The following EFCAB8 variants were observed in gnomAD, a reference collection of about 807,000 sequenced individuals.
The protein encoded by EFCAB8 is EF-hand calcium-binding domain-containing protein 8.
In EFCAB8, 100 loss-of-function variants were observed where a neutral mutation model predicts 116.3. The ratio of observed to expected loss-of-function variants is 0.86; its 90% confidence interval spans 0.73 to 1.02. The LOEUF (loss-of-function observed/expected upper bound fraction) is 1.02. EFCAB8 is among the 50% of genes least tolerant of loss of function. EFCAB8 has a pLI of 0.00. For synonymous variants in EFCAB8, 558 were observed against 567.9 expected (o/e 0.98, Z 0.25); for missense variants, 1,320 against 1,416.9 (o/e 0.93, Z 1.10).
intron 13 of EFCAB8, 136 bp downstream of exon 13, chr20:32,907,130 G>A (rs1986716749): frequency 7.0e-7 from 1 of 1,423,752 alleles, no homozygotes; most frequent in South Asian, 1.5e-5. Context: ...TGGGAGGAAG[G>A]TGAGGGTGGC....
chr20:32,888,705 G>A (rs972932590), intron 6 of EFCAB8, among the ~76,000 whole-genome samples: 1 of 152,022 alleles, frequency 6.6e-6, no homozygotes, highest in African/African-American at 2.4e-5. Flanking sequence ...TTTTTACCTT[G>A]GTTTGTCACT....
At chr20:32,915,947 C>T (rs1252299226) in intron 17 of EFCAB8, among the ~76,000 whole-genome samples, 2 of 151,934 alleles carry the variant, frequency 1.3e-5, no homozygotes, top group African/African-American at 4.8e-5. Context: ...GCTGGGATTA[C>T]AGGCATGAGC....
rs577988984 is a variant in EFCAB8 at position 32,959,203 on chromosome 20, A to C, written c.3090-575A>C. Among the ~76,000 whole-genome samples the C allele has an allele frequency of 2.0e-5, 3 of 152,308 alleles. No individual in the cohort carries two copies. The East Asian group carries it at 5.8e-4, about 29-fold the overall frequency. ...TCACAGTTTACTCAGGGAGGTGGAC[A>C]TGCAAACTCATGGCTGCAATTTTAT... is the stretch of plus-strand genomic sequence containing the variant. On this transcript the variant is annotated intron_variant, in intron 24 of 26. Coordinates refer to ENST00000400522, the MANE Select transcript of EFCAB8 (RefSeq NM_001143967.2).
intron 23 of EFCAB8, among the ~76,000 whole-genome samples, chr20:32,947,516 G>A (rs1046842716): frequency 7.9e-5 from 12 of 152,094 alleles, no homozygotes; most frequent in Admixed American, 7.9e-4. Context: ...TGATCCCAAT[G>A]AAACTGAATT....
intron 1 of EFCAB8, among the ~76,000 whole-genome samples, chr20:32,862,520 G>C (rs1021181443): frequency 3.3e-5 from 5 of 152,144 alleles, no homozygotes; most frequent in African/African-American, 1.2e-4. Context: ...CCCTTAGGCT[G>C]TCCTCTCTCC....
chr20:32,934,229 C>T (rs868775011), intron 22 of EFCAB8, among the ~76,000 whole-genome samples: 1 of 152,198 alleles, frequency 6.6e-6, no homozygotes, highest in South Asian at 2.1e-4. Flanking sequence ...TGGCTTATTT[C>T]ACTTACCATA....
At chr20:32,934,437 A>G (rs1457769926) in intron 22 of EFCAB8, among the ~76,000 whole-genome samples, 1 of 152,222 alleles carries the variant, frequency 6.6e-6, no homozygotes, top group African/African-American at 2.4e-5. Flanking sequence ...TTTCTTTGAC[A>G]TATTGATATG....
At chr20:32,870,250 G>T (rs573989790) in intron 3 of EFCAB8, among the ~76,000 whole-genome samples, 1 of 152,320 alleles carries the variant, frequency 6.6e-6, no homozygotes, top group African/African-American at 2.4e-5. Context: ...TTGCAGCCAG[G>T]AAGTGCCACC....
At chr20:32,882,257 T>TTCTACC (rs1985377754) in intron 5 of EFCAB8, among the ~76,000 whole-genome samples, 1 of 151,838 alleles carries the variant, frequency 6.6e-6, no homozygotes, top group Admixed American at 6.6e-5. Context: ...GCTGATCAGT[T>TTCTACC]TCTACCTTCT....
At position 32,885,490 on chromosome 20, in the gene EFCAB8, C is replaced by T. The variant is rs1159130483; in HGVS notation, c.432-15C>T. ...TTTTTGCTTGGGCTCTTCTCTCTTT[C>T]ATCGCCTCCCACAGGAACCATGGCT... On this transcript the variant is annotated splice_polypyrimidine_tract_variant and intron_variant, in intron 5 of 26. Coordinates refer to ENST00000400522, the MANE Select transcript of EFCAB8 (RefSeq NM_001143967.2). 5 of 1,551,444 alleles carry T rather than the reference C, an allele frequency of 3.2e-6. No homozygotes were observed. The highest frequency in any genetic ancestry group is 4.4e-6 in the Non-Finnish European group (5 of 1,146,912).
chr20:32,940,122 A>C (rs1212962339), intron 22 of EFCAB8, among the ~76,000 whole-genome samples: 1 of 146,236 alleles, frequency 6.8e-6, no homozygotes, highest in Non-Finnish European at 1.5e-5. Flanking sequence ...AGTAAGAAAA[A>C]AATCTTGAGA....
intron 22 of EFCAB8, among the ~76,000 whole-genome samples, chr20:32,933,106 TG>T (rs1368257950): frequency 6.6e-6 from 1 of 152,176 alleles, no homozygotes; most frequent in African/African-American, 2.4e-5. Context: ...AGGGAGATGA[TG>T]TTTTTCAGAT....
intron 4 of EFCAB8, among the ~76,000 whole-genome samples, chr20:32,878,231 A>C (rs565456766): frequency 1.1e-4 from 17 of 151,536 alleles, no homozygotes; most frequent in African/African-American, 4.1e-4. Flanking sequence ...ACACCATTGC[A>C]CTCCAGCCTG....
rs550885436 is a variant in EFCAB8 at position 32,887,402 on chromosome 20, C to T, written c.567+1762C>T. Among the ~76,000 whole-genome samples, 10 of 152,202 alleles carry T rather than the reference C, an allele frequency of 6.6e-5. No homozygotes were observed. In the East Asian group the frequency reaches 1.9e-3, roughly 29 times the overall value. ...ACCAGACTGGCCACCATGGTGAAAC[C>T]CCGTCTCTACTGAAAATACAAAAAT... is the stretch of plus-strand genomic sequence containing the variant. On this transcript the variant is annotated intron_variant, in intron 6 of 26. Coordinates refer to ENST00000400522, the MANE Select transcript of EFCAB8 (RefSeq NM_001143967.2).
At chr20:32,922,627 G>A (rs1019043161) in intron 20 of EFCAB8, among the ~76,000 whole-genome samples, 1 of 152,172 alleles carries the variant, frequency 6.6e-6, no homozygotes, top group African/African-American at 2.4e-5. Context: ...GGGAGGAGAT[G>A]GCATTGCTGT....
intron 2 of EFCAB8, among the ~76,000 whole-genome samples, chr20:32,865,458 G>T (rs1984340726): frequency 6.6e-6 from 1 of 152,104 alleles, no homozygotes. Context: ...ACACTCCGGA[G>T]TTGGGGTGAA....
intron 3 of EFCAB8, among the ~76,000 whole-genome samples, chr20:32,873,213 C>T (rs555147324): frequency 7.2e-5 from 11 of 152,142 alleles, no homozygotes; most frequent in East Asian, 1.9e-4. Context: ...TGGGCAATGG[C>T]GGGGGTGGCC....
intron 16 of EFCAB8, 101 bp downstream of exon 16, chr20:32,911,808 G>T: frequency 8.3e-7 from 1 of 1,205,218 alleles, no homozygotes; most frequent in South Asian, 1.3e-5. Context: ...CTCTCTGAAA[G>T]GGTGTTCATC....
At chr20:32,899,808 A>G (rs1335773895) in intron 11 of EFCAB8, among the ~76,000 whole-genome samples, 1 of 152,080 alleles carries the variant, frequency 6.6e-6, no homozygotes, top group African/African-American at 2.4e-5. Context: ...TCCTGATCTC[A>G]GGTTATCAGC....
Sources: gnomAD v4.1 joint callset for allele counts (sites outside exome capture counted in the v4.1 genomes callset) on GRCh38, gnomAD v4.1.1 for gene constraint, MANE v1.5 for transcripts, NCBI Gene and HGNC (gene_info 2026-07-23, HGNC 2026-07-21) for gene names.